Variants in SCP2 observed in about 807,000 individuals in gnomAD.
SCP2 encodes SCP-2/3-oxoacyl-CoA thiolase.
SCP2 carries 48 observed loss-of-function variants against 71.4 expected under a neutral mutation model. The ratio of observed to expected loss-of-function variants is 0.67; its 90% CI spans 0.53 to 0.86. The LOEUF (loss-of-function observed/expected upper bound fraction) is 0.86, where lower values mean the gene tolerates loss of function less well. Among genes scored for constraint, SCP2 ranks in the 40% least tolerant of loss-of-function variants. SCP2 has a pLI of 0.00. For missense variants in SCP2, 560 were observed against 655.6 expected (o/e 0.85, Z 1.59); for synonymous variants, 220 against 218.1 (o/e 1.01, Z -0.08).
chr1:52,935,784 A>G (rs1653684276), intron 1 of SCP2, among the ~76,000 whole-genome samples: 1 of 151,368 alleles, frequency 6.6e-6, no homozygotes, highest in African/African-American at 2.4e-5. Flanking sequence ...CAAAAGATAG[A>G]AAAATTAGCT....
chr1:53,047,976 T>G, intron 15 of SCP2, 39 bp downstream of exon 15: 1 of 1,380,292 alleles, frequency 7.2e-7, no homozygotes, highest in Non-Finnish European at 1.0e-6. Flanking sequence ...AGTAGGTAGG[T>G]CTTTCAGCCC....
At chr1:53,031,664 A>C (rs928700282) in intron 13 of SCP2, among the ~76,000 whole-genome samples, 1 of 152,168 alleles carries the variant, frequency 6.6e-6, no homozygotes, top group Non-Finnish European at 1.5e-5. Flanking sequence ...TCACAACTGT[A>C]TTTTATTTTC....
At chr1:53,010,527 G>A (rs1660919569) in intron 11 of SCP2, among the ~76,000 whole-genome samples, 1 of 152,120 alleles carries the variant, frequency 6.6e-6, no homozygotes, top group South Asian at 2.1e-4. Flanking sequence ...CTGTCGGAAG[G>A]ACAGAAAACC....
At chr1:53,012,486 C>T (rs982070205) in intron 11 of SCP2, among the ~76,000 whole-genome samples, 1 of 152,226 alleles carries the variant, frequency 6.6e-6, no homozygotes, top group African/African-American at 2.4e-5. Context: ...GTTGATTTTT[C>T]AGGAAACCTT....
At chr1:53,020,032 G>T (rs1381249994) in intron 12 of SCP2, among the ~76,000 whole-genome samples, 1 of 152,042 alleles carries the variant, frequency 6.6e-6, no homozygotes, top group East Asian at 1.9e-4. Flanking sequence ...GATTACAGGT[G>T]CATGCCACCA....
In SCP2 at chr1:52,929,634, A is replaced by AT. The variant is rs541192131; in HGVS notation, c.69+2175dup. 4.8e-3 allele frequency among the ~76,000 whole-genome samples: 720 copies of AT among 151,448 alleles called. 7 individuals carry two copies. The highest frequency in any genetic ancestry group is 0.017 in the African/African-American group (701 of 41,248). Reference sequence around the variant, plus strand: ...TACTTTTTGTATTTTTATTTATTTTATTTTTTGACACAGATTCTTGCTCTG... The same window carrying AT: ...TACTTTTTGTATTTTTATTTATTTTATTTTTTTGACACAGATTCTTGCTCTG... On this transcript the variant is annotated intron_variant, in intron 1 of 15. Transcript: ENST00000371514.
intron 11 of SCP2, among the ~76,000 whole-genome samples, chr1:52,992,064 A>G (rs1227013957): frequency 6.6e-6 from 1 of 152,258 alleles, no homozygotes; most frequent in Admixed American, 6.5e-5. Flanking sequence ...AAGTGATTTC[A>G]GAGTCTCATC....
In SCP2 at chr1:53,020,741, C is replaced by T. The variant is rs577748395; in HGVS notation, c.1235+5698C>T. Among the ~76,000 whole-genome samples the T allele has an allele frequency of 9.6e-4, 146 of 152,274 alleles. 1 individual carries two copies. Among genetic ancestry groups the T allele is most frequent in the Non-Finnish European group, 1.6e-3 (110 of 68,034 alleles). On this transcript the variant is annotated intron_variant, in intron 12 of 15. Transcript: ENST00000371514. ...CCAAAGAGGATCTTATCATATCTCC[C>T]ACCATACCTCTATGAGGTTTCTTTG...
At chr1:52,991,984 T>C (rs891556898) in intron 11 of SCP2, among the ~76,000 whole-genome samples, 4 of 152,174 alleles carry the variant, frequency 2.6e-5, no homozygotes, top group Non-Finnish European at 5.9e-5. Context: ...TCCACAGTTA[T>C]ACTAATTATC....
chr1:52,952,887 C>G (rs541937418), intron 4 of SCP2, among the ~76,000 whole-genome samples: 2 of 152,028 alleles, frequency 1.3e-5, no homozygotes, highest in African/African-American at 4.8e-5. Flanking sequence ...TCCTATGTTT[C>G]CATATATTCT....
At chr1:53,038,409 T>C (rs1374414267) in intron 13 of SCP2, among the ~76,000 whole-genome samples, 2 of 151,924 alleles carry the variant, frequency 1.3e-5, no homozygotes, top group African/African-American at 4.8e-5. Context: ...AAAAAGCCCT[T>C]TTTGTTCTTT....
chr1:53,012,305 C>T lies in SCP2; in HGVS notation c.1082-2585C>T, dbSNP rs143994601. On this transcript the variant is annotated intron_variant, in intron 11 of 15. Transcript: ENST00000371514. ...CCCACTCAGTCTATTAGCATTAGATCATATGCTTTTTGTCCAATCATATTT... is the reference window on the plus strand; with the variant it reads ...CCCACTCAGTCTATTAGCATTAGATTATATGCTTTTTGTCCAATCATATTT... 6.2e-3 allele frequency among the ~76,000 whole-genome samples: 952 copies of T among 152,350 alleles called. 16 individuals carry two copies. The highest frequency in any genetic ancestry group is 0.022 in the African/African-American group (915 of 41,582).
At position 53,027,961 on chromosome 1, in the gene SCP2, T is replaced by C; in HGVS notation, c.1236-8T>C. 6.6e-7 allele frequency: 1 copy of C among 1,518,382 alleles called. No individual in the cohort carries two copies. The highest frequency in any genetic ancestry group is 2.3e-5 in the East Asian group (1 of 44,370). 94.1% of individuals were successfully genotyped at this position (1,518,382 alleles called of 1,614,324 possible). A position where few individuals can be genotyped will look rare whatever the true frequency, so the allele number is the denominator to read the frequency against. The stretch of plus-strand genomic sequence containing the variant: ...ACTCCATGAATTGAAACAGTTTCTT[T>C]TCCCCAGTTCTTTTAGAACTCATCA... On this transcript the variant is annotated splice_polypyrimidine_tract_variant and splice_region_variant and intron_variant, in intron 12 of 15. Transcript: ENST00000371514.
chr1:52,964,348 C>T (rs1353343734), intron 6 of SCP2, among the ~76,000 whole-genome samples: 2 of 151,254 alleles, frequency 1.3e-5, no homozygotes, highest in East Asian at 3.9e-4. Context: ...ACTATAGGCA[C>T]CCGACCACCA....
chr1:52,938,384 T>A (rs1653924099), intron 1 of SCP2, among the ~76,000 whole-genome samples: 1 of 152,242 alleles, frequency 6.6e-6, no homozygotes, highest in South Asian at 2.1e-4. Context: ...ATGTGACCAC[T>A]CACCAGCAAA....
chr1:52,931,801 C>CA (rs1224301223), intron 1 of SCP2, among the ~76,000 whole-genome samples: 1 of 152,074 alleles, frequency 6.6e-6, no homozygotes, highest in Non-Finnish European at 1.5e-5. Flanking sequence ...ACCCCCTACT[C>CA]AAAAACAACA....
chr1:53,009,433 A>G (rs1572180392), intron 11 of SCP2, among the ~76,000 whole-genome samples: 1 of 152,346 alleles, frequency 6.6e-6, no homozygotes, highest in African/African-American at 2.4e-5. Context: ...ACAGAGATAT[A>G]GACCAATGGA....
intron 5 of SCP2, among the ~76,000 whole-genome samples, chr1:52,960,911 C>T (rs1035153128): frequency 2.0e-5 from 3 of 151,386 alleles, no homozygotes; most frequent in African/African-American, 4.9e-5. Context: ...TACCACCACA[C>T]CTGGCTAATT....
rs1338594386 is a variant in SCP2, at chr1:52,982,643, C to T, written c.973+2100C>T. Among the ~76,000 whole-genome samples the T allele has an allele frequency of 2.6e-5, 4 of 152,158 alleles. No individual in the cohort carries two copies. In the East Asian group the frequency reaches 7.7e-4, roughly 29 times the overall value. On this transcript the variant is annotated intron_variant, in intron 10 of 15. Coordinates refer to ENST00000371514, the MANE Select transcript of SCP2 (RefSeq NM_002979.5). ...AAGAATTATAGTATGCCTCCTTAAG[C>T]GTCTCCTTTGAGTTAATATTGTACC...
Sources: allele counts gnomAD v4.1 joint callset (sites outside exome capture counted in the v4.1 genomes callset), GRCh38; gene constraint gnomAD v4.1.1; transcripts MANE v1.5; gene names NCBI Gene and HGNC (gene_info 2026-07-23, HGNC 2026-07-21).